The following CSMD1 variants were observed in gnomAD, a reference collection of about 807,000 sequenced individuals.
CSMD1 encodes the protein CUB and Sushi multiple domains 1.
Under a neutral mutation model 417.5 loss-of-function variants are expected in CSMD1, and 213 were observed. The ratio of observed to expected loss-of-function variants is 0.51; its 90% CI spans 0.46 to 0.57. The LOEUF (loss-of-function observed/expected upper bound fraction) is 0.57, where lower values mean the gene tolerates loss of function less well. Ranked by LOEUF, CSMD1 falls within the 20% of genes least tolerant of loss-of-function variation. The pLI is 0.00. For synonymous variants in CSMD1, 2,862 were observed against 1,736.8 expected, an observed-to-expected ratio of 1.65 and a Z score of -16.11; for missense variants, 6,923 against 4,529.7, an observed-to-expected ratio of 1.53 and a Z score of -15.17.
intron 2 of CSMD1, among the ~76,000 whole-genome samples, chr8:4,536,431 A>AG (rs1362111430): frequency 6.6e-6 from 1 of 152,112 alleles, no homozygotes; most frequent in African/African-American, 2.4e-5. Flanking sequence ...GGATACTCTC[A>AG]GCCATTTGTA....
chr8:3,460,044 G>A (rs1246231865), intron 12 of CSMD1, among the ~76,000 whole-genome samples: 1 of 152,162 alleles, frequency 6.6e-6, no homozygotes, highest in African/African-American at 2.4e-5. Context: ...ACAGGTGTGG[G>A]GCATAAAGAG....
rs1209964896 is a variant in CSMD1, at chr8:3,121,059, CATT to C, written c.6242-2475_6242-2473del. On this transcript the variant is annotated intron_variant, in intron 41 of 69. Transcript: ENST00000635120. ...GAATGTTTAAAGATGTTCATTGCAGCATTATTTACACTACAGAAATCCAAACAA... is the reference window on the plus strand; with the variant it reads ...GAATGTTTAAAGATGTTCATTGCAGCATTTACACTACAGAAATCCAAACAA... Among the ~76,000 whole-genome samples, 3 of 150,784 alleles carry C rather than the reference CATT, an allele frequency of 2.0e-5. No homozygotes were observed. The East Asian group carries it at 5.9e-4, about 30-fold the overall frequency.
In CSMD1 at chr8:2,950,261, G is replaced by C; in HGVS notation, c.10284C>G (p.Phe3428Leu). The part of the protein sequence containing the change: ...KGQADIFVSK[F>L]ENDNWGLDGY... ...CATCTAGTCCCCAGTTGTCATTTTC[G>C]AACTTGCTTACAAAAATATCTGCCT... Residue 3428 changes from phenylalanine (F) to leucine (L), a missense_variant, in exon 67 of 70, where the codon TTC (phenylalanine) becomes TTG (leucine). Coordinates refer to ENST00000635120, the MANE Select transcript of CSMD1 (RefSeq NM_033225.6). 1 of 1,612,372 alleles carries C rather than the reference G, an allele frequency of 6.2e-7. No individual in the cohort carries two copies. The highest frequency in any genetic ancestry group is 1.7e-5 in the Admixed American group (1 of 59,976).
intron 7 of CSMD1, among the ~76,000 whole-genome samples, chr8:3,650,030 G>C (rs1048891105): frequency 1.3e-5 from 2 of 152,192 alleles, no homozygotes; most frequent in African/African-American, 2.4e-5. Context: ...TGGAATCCCA[G>C]CACTTTGGGA....
chr8:3,708,985 G>A lies in CSMD1; in HGVS notation c.932-494C>T, dbSNP rs183047396. ...GTGGGTGGGGAGCAAGTAGAGGAAA[G>A]GCATGCTCTACGTGCTGTAGATAAA... On this transcript the variant is annotated intron_variant, in intron 6 of 69. Coordinates refer to ENST00000635120, the MANE Select transcript of CSMD1 (RefSeq NM_033225.6). 2.2e-4 allele frequency among the ~76,000 whole-genome samples: 34 copies of A among 152,254 alleles called. No homozygotes were observed. The East Asian group carries it at 6.4e-3, about 29-fold the overall frequency.
In CSMD1 at chr8:3,574,964, G is replaced by C. The variant is rs1444291669; in HGVS notation, c.1325C>G (p.Thr442Ser). 2 of 1,612,394 alleles carry C rather than the reference G, an allele frequency of 1.2e-6. No individual in the cohort carries two copies. Among genetic ancestry groups the C allele is most frequent in the African/African-American group, 1.3e-5 (1 of 74,884 alleles). The change falls in exon 10 of 70, where the codon ACC becomes AGC. Residue 442 changes from threonine to serine, a missense_variant. Transcript: ENST00000635120. ...EDNAHCVWVI[T>S]TTDPDKVIKL... The stretch of plus-strand genomic sequence containing the variant: ...CCTTACCTTGTCCGGGTCGGTGGTG[G>C]TGATGACCCACACACAGTGTGCATT...
chr8:4,193,181 C>G (rs370230610), intron 3 of CSMD1, among the ~76,000 whole-genome samples: 2 of 152,160 alleles, frequency 1.3e-5, no homozygotes, highest in Non-Finnish European at 2.9e-5. Flanking sequence ...TTAACCTCAG[C>G]TCTTTGGAGT....
At chr8:4,797,376 C>A (rs1798040396) in intron 1 of CSMD1, among the ~76,000 whole-genome samples, 2 of 152,150 alleles carry the variant, frequency 1.3e-5, no homozygotes, top group African/African-American at 4.8e-5. Flanking sequence ...AAAGAGTGTT[C>A]CGCCTGAATC....
chr8:4,935,319 G>A (rs1288248038), intron 1 of CSMD1, among the ~76,000 whole-genome samples: 1 of 152,180 alleles, frequency 6.6e-6, no homozygotes, highest in African/African-American at 2.4e-5. Context: ...GGTCTCATTA[G>A]GAAATGCCCC....
chr8:3,506,329 G>A (rs184438590), intron 10 of CSMD1, among the ~76,000 whole-genome samples: 11 of 152,296 alleles, frequency 7.2e-5, no homozygotes, highest in East Asian at 1.9e-4. Context: ...GACATCCAAA[G>A]AGACAAGGAG....
At chr8:4,850,384 T>A (rs1425078616) in intron 1 of CSMD1, among the ~76,000 whole-genome samples, 3 of 67,584 alleles carry the variant, frequency 4.4e-5, no homozygotes, top group East Asian at 1.3e-3. Context: ...CAATTTATCT[T>A]TTTTTTTTTT....
intron 1 of CSMD1, among the ~76,000 whole-genome samples, chr8:4,896,398 G>C (rs1005742759): frequency 6.6e-6 from 1 of 151,944 alleles, no homozygotes; most frequent in African/African-American, 2.4e-5. Flanking sequence ...TTATTTACTC[G>C]CTTCGATTAT....
At chr8:4,515,476 A>C (rs1428431401) in intron 2 of CSMD1, among the ~76,000 whole-genome samples, 1 of 152,206 alleles carries the variant, frequency 6.6e-6, no homozygotes, top group Admixed American at 6.5e-5. Flanking sequence ...ATTTAAAAGA[A>C]CGTCTAGAAA....
intron 1 of CSMD1, among the ~76,000 whole-genome samples, chr8:4,675,410 A>T (rs1477923467): frequency 6.6e-6 from 1 of 152,174 alleles, no homozygotes; most frequent in African/African-American, 2.4e-5. Context: ...GAGCTGGCTG[A>T]CTGTTTTTGT....
intron 3 of CSMD1, among the ~76,000 whole-genome samples, chr8:4,272,811 A>G (rs898085949): frequency 3.3e-5 from 5 of 152,174 alleles, no homozygotes; most frequent in African/African-American, 7.2e-5. Context: ...ACTCACCACT[A>G]TATACCTTTG....
intron 52 of CSMD1, among the ~76,000 whole-genome samples, chr8:3,002,118 C>T (rs566481826): frequency 2.6e-5 from 4 of 152,230 alleles, no homozygotes; most frequent in South Asian, 2.1e-4. Context: ...TCCAGTCAAT[C>T]GGATCAATAA....
intron 42 of CSMD1, among the ~76,000 whole-genome samples, chr8:3,113,635 C>A (rs1269357682): frequency 6.6e-6 from 1 of 152,164 alleles, no homozygotes; most frequent in African/African-American, 2.4e-5. Flanking sequence ...GCCTCAAATA[C>A]CACGGAGGCT....
intron 4 of CSMD1, among the ~76,000 whole-genome samples, chr8:4,017,830 G>T (rs970929923): frequency 1.3e-5 from 2 of 152,140 alleles, no homozygotes; most frequent in African/African-American, 4.8e-5. Context: ...GATCTCAGCT[G>T]TTTGGGTGAC....
At chr8:3,827,692 C>G (rs890877444) in intron 5 of CSMD1, among the ~76,000 whole-genome samples, 4 of 152,212 alleles carry the variant, frequency 2.6e-5, no homozygotes, top group Non-Finnish European at 5.9e-5. Flanking sequence ...TTATTGACTT[C>G]ATTGTGAGTT....
Sources: allele counts gnomAD v4.1 joint callset (sites outside exome capture counted in the v4.1 genomes callset), GRCh38; gene constraint gnomAD v4.1.1; transcripts MANE v1.5; gene names NCBI Gene and HGNC (gene_info 2026-07-23, HGNC 2026-07-21).